Variants in PDS5B observed in about 807,000 individuals in gnomAD.
The protein encoded by PDS5B is PDS5 cohesin associated factor B.
In PDS5B, 51 loss-of-function variants were observed where a neutral mutation model predicts 184.1. That is an observed-to-expected ratio of 0.28 (90% CI 0.22 to 0.35). The LOEUF is 0.35. Among genes scored for constraint, PDS5B ranks in the 10% least tolerant of loss-of-function variants. The pLI, the probability that PDS5B is intolerant of heterozygous loss-of-function variation, is 1.00. For synonymous variants in PDS5B, 566 were observed against 569.2 expected (o/e 0.99, Z 0.08); for missense variants, 1,180 against 1,723.3 (o/e 0.68, Z 5.58).
intron 19 of PDS5B, among the ~76,000 whole-genome samples, chr13:32,713,816 A>G (rs2140901777): frequency 6.6e-6 from 1 of 152,300 alleles, no homozygotes; most frequent in Middle Eastern, 3.4e-3. Flanking sequence ...ATTTTTGGAA[A>G]ATATACTGGT....
At chr13:32,691,742 T>A (rs1340578427) in intron 13 of PDS5B, among the ~76,000 whole-genome samples, 1 of 152,122 alleles carries the variant, frequency 6.6e-6, no homozygotes, top group Non-Finnish European at 1.5e-5. Flanking sequence ...GAGTGGAGTT[T>A]CTATGTGCCT....
chr13:32,694,845 GTT>G (rs58954478), intron 14 of PDS5B, among the ~76,000 whole-genome samples: 29 of 144,486 alleles, frequency 2.0e-4, no homozygotes, highest in South Asian at 4.4e-4. Context: ...TGATTCTAGG[GTT>G]TTTTTTTTTT....
At chr13:32,593,888 G>A (rs1253740207) in intron 1 of PDS5B, among the ~76,000 whole-genome samples, 1 of 152,052 alleles carries the variant, frequency 6.6e-6, no homozygotes, top group African/African-American at 2.4e-5. Flanking sequence ...GAGGCGCACT[G>A]TAACTTTTAC....
intron 24 of PDS5B, among the ~76,000 whole-genome samples, chr13:32,750,847 C>CTGTG (rs71194534): frequency 0.053 from 7,557 of 143,416 alleles, 208 homozygotes; most frequent in Non-Finnish European, 0.062. Flanking sequence ...CGGCCTCCCT[C>CTGTG]TGTGTGTGTG....
intron 1 of PDS5B, among the ~76,000 whole-genome samples, chr13:32,621,568 C>G (rs1173461988): frequency 6.6e-6 from 1 of 152,218 alleles, no homozygotes; most frequent in African/African-American, 2.4e-5. Context: ...AACAGCTCAT[C>G]AAGCCTGATG....
intron 3 of PDS5B, among the ~76,000 whole-genome samples, chr13:32,656,237 A>G (rs893539140): frequency 7.5e-6 from 1 of 133,840 alleles, no homozygotes; most frequent in Non-Finnish European, 1.6e-5. Flanking sequence ...GCCTTGTAGT[A>G]TACTTTAAAG....
At chr13:32,704,067 C>G (rs1951937247) in intron 17 of PDS5B, among the ~76,000 whole-genome samples, 1 of 151,888 alleles carries the variant, frequency 6.6e-6, no homozygotes, top group African/African-American at 2.4e-5. Flanking sequence ...CAGTCATTTC[C>G]TTTGTGGTTT....
chr13:32,596,821 T>C (rs1207889289), intron 1 of PDS5B, among the ~76,000 whole-genome samples: 1 of 152,118 alleles, frequency 6.6e-6, no homozygotes, highest in African/African-American at 2.4e-5. Flanking sequence ...TTTCTGCCCA[T>C]TAAAAAATGG....
chr13:32,624,217 G>A (rs1272202603), intron 1 of PDS5B, among the ~76,000 whole-genome samples: 1 of 151,960 alleles, frequency 6.6e-6, no homozygotes, highest in Non-Finnish European at 1.5e-5. Flanking sequence ...ATGCTATTAT[G>A]TATTTATATT....
At chr13:32,761,354 A>G (rs576644933) in intron 30 of PDS5B, among the ~76,000 whole-genome samples, 1 of 151,826 alleles carries the variant, frequency 6.6e-6, no homozygotes, top group African/African-American at 2.4e-5. Flanking sequence ...GTTTTTTTTA[A>G]ATTCAACTTT....
rs930030884 is a variant in PDS5B at position 32,694,313 on chromosome 13, G to C, written c.1551+9G>C. Reference sequence around the variant, plus strand: ...TGATTAAGCAACCCAAAGTAAGTAAGAATTTTTTCCTTCAATGTTTTTTAA... The same window carrying C: ...TGATTAAGCAACCCAAAGTAAGTAACAATTTTTTCCTTCAATGTTTTTTAA... On this transcript the variant is annotated intron_variant, in intron 14 of 34. Transcript: ENST00000315596. 1.9e-6 allele frequency: 3 copies of C among 1,552,868 alleles called. No individual in the cohort carries two copies. The highest frequency in any genetic ancestry group is 1.8e-5 in the Admixed American group (1 of 55,450).
chr13:32,748,792 G>A (rs898021433), intron 24 of PDS5B, among the ~76,000 whole-genome samples: 3 of 151,962 alleles, frequency 2.0e-5, no homozygotes, highest in African/African-American at 7.2e-5. Context: ...AAATAAATCT[G>A]AATGGCATTT....
chr13:32,624,823 G>C (rs916953494), intron 1 of PDS5B, among the ~76,000 whole-genome samples: 1 of 152,002 alleles, frequency 6.6e-6, no homozygotes, highest in Non-Finnish European at 1.5e-5. Flanking sequence ...TTGGCAAAAG[G>C]GCAAATGCTA....
At chr13:32,655,907 A>G (rs763115204) in intron 3 of PDS5B, among the ~76,000 whole-genome samples, 9 of 152,134 alleles carry the variant, frequency 5.9e-5, no homozygotes, top group Non-Finnish European at 8.8e-5. Context: ...GCCAGGTCCT[A>G]TGTCCAGAAT....
chr13:32,756,755 A>G (rs1026614706), intron 26 of PDS5B, among the ~76,000 whole-genome samples: 1 of 152,212 alleles, frequency 6.6e-6, no homozygotes, highest in Non-Finnish European at 1.5e-5. Flanking sequence ...ATAAAATCAA[A>G]TTAATGATGA....
In PDS5B at chr13:32,635,338, TG is replaced by T. The variant is rs2058530777; in HGVS notation, c.-19-13415del. On this transcript the variant is annotated intron_variant, in intron 1 of 34. Coordinates refer to ENST00000315596, the MANE Select transcript of PDS5B (RefSeq NM_015032.4). ...CAGGTGTGAGCCACTATGCCTGGCCTGTCTTTTTTTTTTTTTTTTTTTTAAA... is the reference window on the plus strand; with the variant it reads ...CAGGTGTGAGCCACTATGCCTGGCCTTCTTTTTTTTTTTTTTTTTTTTAAA... Among the ~76,000 whole-genome samples the T allele has an allele frequency of 2.9e-5, 4 of 136,040 alleles. No individual in the cohort carries two copies. The South Asian group carries it at 9.3e-4, about 32-fold the overall frequency. The allele number at this position is 136,040 out of a possible 152,430, so 89.2% of individuals were successfully genotyped here.
At chr13:32,737,717 G>A (rs1467498806) in intron 21 of PDS5B, among the ~76,000 whole-genome samples, 1 of 152,076 alleles carries the variant, frequency 6.6e-6, no homozygotes, top group Non-Finnish European at 1.5e-5. Flanking sequence ...CCATTAATTT[G>A]TCTTGTTTTA....
At chr13:32,650,455 G>A (rs959223247) in intron 2 of PDS5B, 5 of 152,140 alleles carry the variant, frequency 3.3e-5, no homozygotes, top group East Asian at 3.9e-4. Context: ...ATTTGTTAAC[G>A]TGTAAGGTGA....
rs760547156 is a variant in PDS5B at position 32,732,158 on chromosome 13, A to G, written c.2181A>G (p.Lys727=). ...AAAAAGGACCCCCCCGTCAAGCCAA[A>G]TATGCCATTCATTGTATCCATGCGA... The part of the protein sequence containing the change: ...KSKKGPPRQA[K]YAIHCIHAIF... The change falls in exon 20 of 35, where the codon AAA becomes AAG. Residue 727 remains lysine (K), a synonymous_variant. Coordinates refer to ENST00000315596, the MANE Select transcript of PDS5B (RefSeq NM_015032.4). 3 of 1,609,338 alleles carry G rather than the reference A, an allele frequency of 1.9e-6. No individual in the cohort carries two copies. The highest frequency in any genetic ancestry group is 1.1e-5 in the South Asian group (1 of 90,876).
Sources: gnomAD v4.1 joint callset for allele counts (sites outside exome capture counted in the v4.1 genomes callset) on GRCh38, gnomAD v4.1.1 for gene constraint, MANE v1.5 for transcripts, NCBI Gene and HGNC (gene_info 2026-07-23, HGNC 2026-07-21) for gene names.